Variants in SPTBN5 observed in about 807,000 individuals in gnomAD.
The protein encoded by SPTBN5 is spectrin beta, non-erythrocytic 5.
In SPTBN5, 513 loss-of-function variants were observed where a neutral mutation model predicts 477.6. The ratio of observed to expected loss-of-function variants is 1.07; its 90% CI spans 1.00 to 1.16. SPTBN5 has a LOEUF of 1.16. Ranked by LOEUF, SPTBN5 falls within the 50% of genes most tolerant of loss-of-function variation. SPTBN5 has a pLI of 0.00. For synonymous variants in SPTBN5, 2,169 were observed against 2,011.7 expected, an observed-to-expected ratio of 1.08 and a Z score of -2.09; for missense variants, 5,062 against 4,731.8, an observed-to-expected ratio of 1.07 and a Z score of -2.05.
rs78015202 is a variant in SPTBN5 at position 41,874,707 on chromosome 15, C to T, written c.4502+135G>A. On this transcript the variant is annotated intron_variant, in intron 23 of 67. Coordinates refer to ENST00000320955, the MANE Select transcript of SPTBN5 (RefSeq NM_016642.4). Reference sequence around the variant, plus strand: ...TGCTAAGGAAGCATAATGGGGTCTCCGACCCTCCCATCCCAGAATGACTCT... The same window carrying T: ...TGCTAAGGAAGCATAATGGGGTCTCTGACCCTCCCATCCCAGAATGACTCT... 3.4e-3 allele frequency: 3,431 copies of T among 994,694 alleles called. 17 individuals are homozygous for T. The highest frequency in any genetic ancestry group is 4.6e-3 in the Non-Finnish European group (3,150 of 683,566). 61.6% of individuals were successfully genotyped at this position (994,694 alleles called of 1,614,324 possible).
At chr15:41,869,352 A>G (rs2066452044) in intron 32 of SPTBN5, among the ~76,000 whole-genome samples, 1 of 152,254 alleles carries the variant, frequency 6.6e-6, no homozygotes, top group Admixed American at 6.5e-5. Context: ...CCCCGTGGCC[A>G]GGACCTACTG....
rs563703922 is a variant in SPTBN5 at position 41,868,297 on chromosome 15, C to T, written c.6058-79G>A. 1.9e-6 allele frequency: 3 copies of T among 1,562,974 alleles called. No homozygotes were observed. In the African/African-American group the frequency reaches 4.1e-5, roughly 21 times the overall value. ...GAGGACTGGATCCTGAGGGAAGCTC[C>T]TGAGGAGAGGCCAGCATGGCACAGT... On this transcript the variant is annotated intron_variant, in intron 33 of 67. Transcript: ENST00000320955.
At chr15:41,854,261 C>T in intron 56 of SPTBN5, 56 bp from the exon 57 acceptor site, 1 of 1,542,486 alleles carries the variant, frequency 6.5e-7, no homozygotes. Flanking sequence ...GGATTCCTTT[C>T]TCCCTGGAGA....
intron 13 of SPTBN5, 138 bp downstream of exon 13, chr15:41,880,896 C>T (rs937258856): frequency 7.8e-6 from 6 of 771,880 alleles, no homozygotes; most frequent in African/African-American, 7.0e-5. Flanking sequence ...AATGAGTTGT[C>T]TGACATCTTC....
chr15:41,850,988 C>T (rs748993699), intron 65 of SPTBN5, 49 bp from the exon 66 acceptor site: 13 of 1,587,442 alleles, frequency 8.2e-6, no homozygotes, highest in South Asian at 4.6e-5. Flanking sequence ...TTGGGGACCC[C>T]CACGCCTCCA....
At position 41,886,313 on chromosome 15, in the gene SPTBN5, C is replaced by G. The variant is rs373309028; in HGVS notation, c.942G>C (p.Leu314=). 62 of 1,612,904 alleles carry G rather than the reference C, an allele frequency of 3.8e-5. No individual in the cohort carries two copies. The African/African-American group carries it at 7.7e-4, about 20-fold the overall frequency. Residue 314 remains leucine (L), a synonymous_variant, in exon 7 of 68, where the codon CTG becomes CTC. Transcript: ENST00000320955. ...CAATCCAGCGTAGAAGGTCAGCCAC[C>G]AGCTGCTCGTACTGGGTCTGCAGCA... ...TELLQTQYEQ[L]VADLLRWIAE...
chr15:41,850,774 A>T, intron 66 of SPTBN5, 80 bp downstream of exon 66: 1 of 1,216,368 alleles, frequency 8.2e-7, no homozygotes, highest in Admixed American at 2.6e-5. Flanking sequence ...CCTCCCTAGG[A>T]TGCATAAAAC....
In SPTBN5 at chr15:41,878,535, G is replaced by C. The variant is rs369517666; in HGVS notation, c.3277C>G (p.Gln1093Glu). The C allele has an allele frequency of 5.5e-5, 88 of 1,612,734 alleles. No homozygotes were observed. The highest frequency in any genetic ancestry group is 7.0e-5 in the Non-Finnish European group (82 of 1,179,718). The change falls in exon 17 of 68, where the codon CAA (glutamine) becomes GAA (glutamate). Residue 1093 changes from glutamine to glutamate, a missense_variant. Coordinates refer to ENST00000320955, the MANE Select transcript of SPTBN5 (RefSeq NM_016642.4). ...GTCTCAGCCTGGCGCCGGGCCCGTT[G>C]GGCCACTTGTTCCTGTACTTGCTTC... ...LLKQVQEQVA[Q>E]RARRQAETQA... is the part of the protein sequence containing the mutation.
chr15:41,851,245 C>G (rs1178373943), intron 64 of SPTBN5, 38 bp downstream of exon 64: 1 of 1,553,826 alleles, frequency 6.4e-7, no homozygotes, highest in East Asian at 2.4e-5. Flanking sequence ...TGCTTCCCAG[C>G]ACCCTGATGT....
At chr15:41,886,936 G>C (rs947009954) in intron 6 of SPTBN5, among the ~76,000 whole-genome samples, 1 of 152,266 alleles carries the variant, frequency 6.6e-6, no homozygotes, top group Admixed American at 6.5e-5. Flanking sequence ...AATAGCCCGA[G>C]AGTCGGGAAG....
intron 66 of SPTBN5, chr15:41,850,296 ACAGAGCTAGGATCC>A (rs2065709508): frequency 3.0e-6 from 1 of 337,198 alleles, no homozygotes; most frequent in African/African-American, 2.1e-5. Context: ...GGAACCAGCG[ACAGAGCTAGGATCC>A]CAGACACATT....
Position 41,856,570 on chromosome 15 carries a change from T to C in SPTBN5, c.8837A>G (p.Glu2946Gly). Residue 2946 changes from glutamate to glycine, a missense_variant, in exon 53 of 68, where the codon GAG becomes GGG. Glu to Gly is a moderately conservative substitution (Grantham distance 98). Coordinates refer to ENST00000320955, the MANE Select transcript of SPTBN5 (RefSeq NM_016642.4). ...QNLESEMSSH[E>G]ALTRVVLGTG... ...GCCCAGCACCACCCGGGTCAGAGCC[T>C]CGTGGCTGCTCATCTCACTCTCCAG... The C allele has an allele frequency of 6.3e-7, 1 of 1,594,500 alleles. No individual in the cohort carries two copies. Among genetic ancestry groups the C allele is most frequent in the Non-Finnish European group, 8.5e-7 (1 of 1,175,022 alleles).
intron 56 of SPTBN5, 116 bp from the exon 57 acceptor site, chr15:41,854,321 G>A (rs2065868060): frequency 8.6e-7 from 1 of 1,159,844 alleles, no homozygotes; most frequent in South Asian, 1.5e-5. Context: ...CATGGGGCTT[G>A]ATGTGTCCCC....
Position 41,876,923 on chromosome 15 carries a change from A to AGGCTCAGGGCCTCCCTCAC in SPTBN5, c.3718_3736dup (p.Leu1246ArgfsTer65), listed in dbSNP as rs762879855. ...CCCAAACTCCCGGTGCTGCTGCAGC[A>AGGCTCAGGGCCTCCCTCAC]GGCTCAGGGCCTCCCTCACGTCCTC... On this transcript the variant is annotated frameshift_variant, in exon 19 of 68. Coordinates refer to ENST00000320955, the MANE Select transcript of SPTBN5 (RefSeq NM_016642.4). LOFTEE classifies it high-confidence loss of function. 15 of 1,609,512 alleles carry AGGCTCAGGGCCTCCCTCAC rather than the reference A, an allele frequency of 9.3e-6. No individual in the cohort carries two copies. In the Admixed American group the frequency reaches 2.2e-4, roughly 23 times the overall value.
At position 41,852,853 on chromosome 15, in the gene SPTBN5, C is replaced by G. The variant is rs376635579; in HGVS notation, c.10318G>C (p.Glu3440Gln). ...TAGTCGGGCTTCAGCAGGAGTCCCTCCCAGCAGGCCAGCCAGGCCTCAGCC... is the reference window on the plus strand; with the variant it reads ...TAGTCGGGCTTCAGCAGGAGTCCCTGCCAGCAGGCCAGCCAGGCCTCAGCC... The part of the protein sequence containing the change: ...EQAEAWLACW[E>Q]GLLLKPDYGH... Residue 3440 changes from glutamate (E) to glutamine (Q), a missense_variant, in exon 60 of 68, where the codon GAG becomes CAG. Coordinates refer to ENST00000320955, the MANE Select transcript of SPTBN5 (RefSeq NM_016642.4). 5 of 1,607,212 alleles carry G rather than the reference C, an allele frequency of 3.1e-6. No homozygotes were observed. Among genetic ancestry groups the G allele is most frequent in the Non-Finnish European group, 4.3e-6 (5 of 1,175,968 alleles).
At chr15:41,882,195 C>A in intron 11 of SPTBN5, 50 bp from the exon 12 acceptor site, 1 of 1,483,172 alleles carries the variant, frequency 6.7e-7, no homozygotes. Context: ...CGGCTGAGCG[C>A]GGGCAGGTGC....
rs150485948 is a variant in SPTBN5, at chr15:41,863,917, G to C, written c.7026C>G (p.Leu2342=). 2 of 1,613,854 alleles carry C rather than the reference G, an allele frequency of 1.2e-6. No individual in the cohort carries two copies. The highest frequency in any genetic ancestry group is 1.7e-6 in the Non-Finnish European group (2 of 1,179,852). Residue 2342 remains leucine, a synonymous_variant, in exon 40 of 68, where the codon CTC becomes CTG. Coordinates refer to ENST00000320955, the MANE Select transcript of SPTBN5 (RefSeq NM_016642.4). ...VKIICQRRSQ[L]NNRWASFHGN... ...CCCAGCCTGGGACTGGCCTGTTGTT[G>C]AGCTGGCTTCGCCGCTGGCAGATGA...
At position 41,879,403 on chromosome 15, in the gene SPTBN5, C is replaced by A. The variant is rs760466313; in HGVS notation, c.3039G>T (p.Gln1013His). The change falls in exon 16 of 68, where the codon CAG becomes CAT. Residue 1013 changes from glutamine (Q) to histidine (H), a missense_variant. Gln to His is a conservative substitution (Grantham distance 24). Coordinates refer to ENST00000320955, the MANE Select transcript of SPTBN5 (RefSeq NM_016642.4). ...CSFLQECGPTQVQLRDVLLQL... is the reference protein window; with the variant it reads ...CSFLQECGPTHVQLRDVLLQL... ...GGAGGAGCACGTCTCGCAGCTGGAC[C>A]TGTGTGGGTCCACACTCCTGCAGAA... 2.4e-5 allele frequency: 38 copies of A among 1,610,832 alleles called. No individual in the cohort carries two copies. In the Middle Eastern group the frequency reaches 6.8e-4, roughly 29 times the overall value.
At chr15:41,890,860 C>T (rs187485553) in intron 3 of SPTBN5, among the ~76,000 whole-genome samples, 2 of 152,350 alleles carry the variant, frequency 1.3e-5, no homozygotes, top group Non-Finnish European at 2.9e-5. Flanking sequence ...AGGGGAGAAG[C>T]CCTGCAGGAT....
Sources: gnomAD v4.1 joint callset for allele counts (sites outside exome capture counted in the v4.1 genomes callset) on GRCh38, gnomAD v4.1.1 for gene constraint, MANE v1.5 for transcripts, NCBI Gene and HGNC (gene_info 2026-07-23, HGNC 2026-07-21) for gene names.